HNRNPUL1: variants seen among roughly 807,000 people sequenced by gnomAD.
HNRNPUL1 encodes heterogeneous nuclear ribonucleoprotein U like 1, also known as heterogeneous nuclear ribonucleoprotein U-like protein 1.
A neutral mutation model predicts 108.5 loss-of-function variants in HNRNPUL1; 14 were observed. That is an observed-to-expected ratio of 0.13 (90% CI 0.09 to 0.20). The LOEUF is 0.20. Among genes scored for constraint, HNRNPUL1 ranks in the 10% least tolerant of loss-of-function variants. The pLI is 1.00. For missense variants in HNRNPUL1, 804 were observed against 1,168.3 expected, an observed-to-expected ratio of 0.69 and a Z score of 4.55; for synonymous variants, 422 against 445.2, an observed-to-expected ratio of 0.95 and a Z score of 0.66.
At chr19:41,299,639 G>T (rs183869122) in intron 10 of HNRNPUL1, among the ~76,000 whole-genome samples, 374 of 152,240 alleles carry the variant, frequency 2.5e-3, no homozygotes, top group Middle Eastern at 6.8e-3. Flanking sequence ...CGAGGGTGAT[G>T]ATCCTTGTCT....
chr19:41,294,455 A>G lies in HNRNPUL1; in HGVS notation c.1384A>G (p.Met462Val). The G allele has an allele frequency of 1.2e-6, 2 of 1,614,162 alleles. No homozygotes were observed. Among genetic ancestry groups the G allele is most frequent in the Non-Finnish European group, 1.7e-6 (2 of 1,180,032 alleles). The change falls in exon 9 of 15, where the codon ATG (methionine) becomes GTG (valine). Residue 462 changes from methionine (M) to valine (V), a missense_variant. Coordinates refer to ENST00000392006, the MANE Select transcript of HNRNPUL1 (RefSeq NM_007040.6). The surrounding 1 kb of genome is among the most constrained non-coding windows in gnomAD (Gnocchi z 4.3). Reference protein sequence around the residue: ...ILGTNAIMDKMRVMGLRRQRN... With the variant: ...ILGTNAIMDKVRVMGLRRQRN... ...GGGTACCAATGCCATCATGGATAAG[A>G]TGCGGGTAAGGCCAGCCACTGGACT...
intron 1 of HNRNPUL1, chr19:41,265,222 G>T (rs916258064): frequency 1.3e-5 from 20 of 1,519,926 alleles, no homozygotes; most frequent in South Asian, 1.2e-4. Flanking sequence ...GGGCTGGGGG[G>T]TGGGGAGCCG....
At chr19:41,286,602 G>C (rs568732366) in intron 7 of HNRNPUL1, 1 of 151,580 alleles carries the variant, frequency 6.6e-6, no homozygotes, top group Non-Finnish European at 1.5e-5. Context: ...GTGGACAGCC[G>C]ATTGGCATAG....
intron 1 of HNRNPUL1, among the ~76,000 whole-genome samples, chr19:41,267,207 C>T (rs989009760): frequency 1.3e-5 from 2 of 152,144 alleles, no homozygotes; most frequent in East Asian, 1.9e-4. Flanking sequence ...AATGAGATCA[C>T]ATGTGAAGGG....
chr19:41,304,434 C>G (rs2037427279), intron 13 of HNRNPUL1, among the ~76,000 whole-genome samples, 173 bp downstream of exon 13: 1 of 152,162 alleles, frequency 6.6e-6, no homozygotes, highest in South Asian at 2.1e-4. Context: ...CTCAGATGGA[C>G]CCTACACATT....
chr19:41,263,593 G>T (rs781579043), upstream of HNRNPUL1, among the ~76,000 whole-genome samples: 145 of 152,250 alleles, frequency 9.5e-4, 1 homozygote, highest in East Asian at 9.7e-4. Flanking sequence ...CAAACCTTCG[G>T]GACTCTCTCA....
At chr19:41,275,204 C>T (rs370843887) in intron 4 of HNRNPUL1, among the ~76,000 whole-genome samples, 6 of 152,164 alleles carry the variant, frequency 3.9e-5, no homozygotes, top group African/African-American at 1.2e-4. Flanking sequence ...AACAGAAGTC[C>T]GGTTCCCAAA....
At chr19:41,271,541 G>T (rs1299743783) in intron 2 of HNRNPUL1, among the ~76,000 whole-genome samples, 2 of 152,194 alleles carry the variant, frequency 1.3e-5, no homozygotes, top group Non-Finnish European at 2.9e-5. Flanking sequence ...TGGGAGAAAT[G>T]AAGGTAGCCT....
Position 41,294,445 on chromosome 19 carries a change from C to T in HNRNPUL1, c.1374C>T (p.Ile458=), listed in dbSNP as rs1599836505. 6.2e-7 allele frequency: 1 copy of T among 1,614,192 alleles called. No homozygotes were observed. Among genetic ancestry groups the T allele is most frequent in the Non-Finnish European group, 8.5e-7 (1 of 1,180,032 alleles). Residue 458 remains isoleucine (I), a synonymous_variant, in exon 9 of 15, where the codon ATC becomes ATT. Transcript: ENST00000392006. This position sits in a 1 kb window ranked among gnomAD's most constrained non-coding sequence, Gnocchi z 4.3. ...ACAACATCCTGGGTACCAATGCCAT[C>T]ATGGATAAGATGCGGGTAAGGCCAG... ...KKYNILGTNA[I]MDKMRVMGLR...
chr19:41,273,606 C>T (rs1160772485), intron 3 of HNRNPUL1, among the ~76,000 whole-genome samples: 1 of 152,136 alleles, frequency 6.6e-6, no homozygotes, highest in African/African-American at 2.4e-5. Context: ...CCCTTCCTGG[C>T]CAGCACCCTT....
chr19:41,303,869 GC>G, intron 12 of HNRNPUL1, 102 bp from the exon 13 acceptor site: 1 of 1,408,488 alleles, frequency 7.1e-7, no homozygotes, highest in South Asian at 1.3e-5. Context: ...TTCTTGCTCT[GC>G]GCCTGGCCAT....
chr19:41,264,401 G>GC lies in HNRNPUL1; in HGVS notation c.-94dup, dbSNP rs368460593. The GC allele has an allele frequency of 0.034, 33,165 of 983,338 alleles. 307 individuals are homozygous for GC. Among genetic ancestry groups the GC allele is most frequent in the Non-Finnish European group, 0.038 (28,604 of 749,472 alleles). The allele number at this position is 983,338 out of a possible 1,614,324, so 60.9% of individuals were successfully genotyped here. On this transcript the variant is annotated 5_prime_UTR_variant, in exon 1 of 15. Transcript: ENST00000392006. ...TGAGCCGCTGCCGCCATTGGAGTGG[G>GC]CCCCCCCCCTTTCCCCCTTCGCCTC...
chr19:41,305,760 G>A lies in HNRNPUL1; in HGVS notation c.2347G>A (p.Ala783Thr). Reference protein sequence around the residue: ...APPPPPPPPPAYNYGSYGGYN... With the variant: ...APPPPPPPPPTYNYGSYGGYN... ...ACCGCCTCCACCTCCACCACCACCT[G>A]CCTACAACTATGGGAGCTACGGCGG... The change falls in exon 14 of 15, where the codon GCC (alanine) becomes ACC (threonine). Residue 783 changes from alanine (A) to threonine (T), a missense_variant. This residue lies in a region of HNRNPUL1 where 294 missense variants were observed against 388.3 expected (regional missense o/e 0.76). Transcript: ENST00000392006. 1 of 1,613,832 alleles carries A rather than the reference G, an allele frequency of 6.2e-7. No homozygotes were observed. Among genetic ancestry groups the A allele is most frequent in the Middle Eastern group, 1.6e-4 (1 of 6,062 alleles).
intron 7 of HNRNPUL1, among the ~76,000 whole-genome samples, chr19:41,284,393 C>T (rs924163428): frequency 1.3e-5 from 2 of 152,240 alleles, no homozygotes; most frequent in Admixed American, 1.3e-4. Context: ...AGGCCGGACA[C>T]TGTGACTCAC....
Position 41,307,181 on chromosome 19 carries a change from TC to T in HNRNPUL1, c.*617del, listed in dbSNP as rs2037591533. On this transcript the variant is annotated 3_prime_UTR_variant, in exon 15 of 15. Transcript: ENST00000392006. ...TTGATATTTCATCAAGATAAGCATT[TC>T]TTTCCTGAGTTCAGGTGACTGAGGA... 1 of 152,582 alleles carries T rather than the reference TC, an allele frequency of 6.6e-6. No individual in the cohort carries two copies. The highest frequency in any genetic ancestry group is 2.4e-5 in the African/African-American group (1 of 41,448). 9.5% of individuals were successfully genotyped at this position (152,582 alleles called of 1,614,324 possible).
At chr19:41,268,419 G>T in intron 2 of HNRNPUL1, 74 bp downstream of exon 2, 5 of 1,485,624 alleles carry the variant, frequency 3.4e-6, no homozygotes, top group Non-Finnish European at 4.5e-6. Context: ...TGCTTAGAGC[G>T]GGTCTTCCCA....
At chr19:41,300,221 A>C (rs978332425) in intron 10 of HNRNPUL1, among the ~76,000 whole-genome samples, 1 of 152,098 alleles carries the variant, frequency 6.6e-6, no homozygotes, top group Non-Finnish European at 1.5e-5. Context: ...CCCGTATTAC[A>C]GATGAGGCAA....
Position 41,302,985 on chromosome 19 carries a change from G to C in HNRNPUL1, c.1972+36G>C, listed in dbSNP as rs372150091. 113 of 1,506,254 alleles carry C rather than the reference G, an allele frequency of 7.5e-5. No individual in the cohort carries two copies. In the African/African-American group the frequency reaches 8.4e-4, roughly 11 times the overall value. 93.3% of individuals were successfully genotyped at this position (1,506,254 alleles called of 1,614,324 possible). A position where few individuals can be genotyped will look rare whatever the true frequency, so the allele number is the denominator to read the frequency against. On this transcript the variant is annotated intron_variant, in intron 12 of 14. Transcript: ENST00000392006. ...TCACACACAGCACTCTCCACTTTCT[G>C]TTCCCAGGTTGGGGCTGGGCTTTGA... is the stretch of plus-strand genomic sequence containing the variant.
rs552447515 is a variant in HNRNPUL1 at position 41,293,322 on chromosome 19, A to G, written c.1266+811A>G. On this transcript the variant is annotated intron_variant, in intron 8 of 14. Transcript: ENST00000392006. The stretch of plus-strand genomic sequence containing the variant: ...AAGTGCCTGTTTTATGCTCACAAAC[A>G]TTTATCATTGAGATTCTATGGTATA... Among the ~76,000 whole-genome samples, 27 of 152,288 alleles carry G rather than the reference A, an allele frequency of 1.8e-4. 1 individual carries two copies. Among genetic ancestry groups the G allele is most frequent in the Admixed American group, 1.6e-3 (25 of 15,292 alleles).
Sources: allele counts gnomAD v4.1 joint callset (sites outside exome capture counted in the v4.1 genomes callset), GRCh38; gene constraint gnomAD v4.1.1; regional missense constraint gnomAD v4.1.1; non-coding constraint Gnocchi (gnomAD v3.1); transcripts MANE v1.5; gene names NCBI Gene and HGNC (gene_info 2026-07-23, HGNC 2026-07-21).